SGK1: variants seen among roughly 807,000 people sequenced by gnomAD.
SGK1 encodes serine/threonine-protein kinase Sgk1.
SGK1 carries 26 observed loss-of-function variants against 64.2 expected under a neutral mutation model. That is an observed-to-expected ratio of 0.40 (90% CI 0.30 to 0.56). The LOEUF is 0.56. Ranked by LOEUF, SGK1 falls within the 20% of genes least tolerant of loss-of-function variation. The pLI, the probability that SGK1 is intolerant of heterozygous loss-of-function variation, is 0.38. For missense variants in SGK1, 519 were observed against 645.6 expected, an observed-to-expected ratio of 0.80 and a Z score of 2.12; for synonymous variants, 265 against 239.7, an observed-to-expected ratio of 1.11 and a Z score of -0.98.
rs770532033 is a variant in SGK1, at chr6:134,172,719, T to C, written c.890A>G (p.Tyr297Cys). The C allele has an allele frequency of 5.2e-5, 84 of 1,614,042 alleles. No individual in the cohort carries two copies. The highest frequency in any genetic ancestry group is 6.9e-5 in the Non-Finnish European group (82 of 1,180,024). The change falls in exon 9 of 14, where the codon TAT becomes TGT. Residue 297 changes from tyrosine to cysteine, a missense_variant. Tyr to Cys is a radical substitution (Grantham distance 194). Coordinates refer to ENST00000367858, the MANE Select transcript of SGK1 (RefSeq NM_001143676.3). The stretch of plus-strand genomic sequence containing the variant: ...CAAGGCACTGGCTATTTCAGCAGCA[T>C]AGAAACGAGCCCGTGGTTCCAGGAA... Reference protein sequence around the residue: ...RCFLEPRARFYAAEIASALGY... With the variant: ...RCFLEPRARFCAAEIASALGY...
At chr6:134,171,245 G>A (rs902460344) in intron 11 of SGK1, 67 bp from the exon 12 acceptor site, 7 of 1,424,434 alleles carry the variant, frequency 4.9e-6, no homozygotes, top group Non-Finnish European at 6.9e-6. Flanking sequence ...TACCAGTAGA[G>A]AAAAAGATAT....
intron 3 of SGK1, among the ~76,000 whole-genome samples, chr6:134,196,780 A>G (rs932438793): frequency 3.3e-5 from 5 of 152,228 alleles, no homozygotes; most frequent in Non-Finnish European, 7.3e-5. Context: ...ACCACGTATG[A>G]GTGACAGAGT....
chr6:134,181,544 C>T (rs1317203885), intron 3 of SGK1, among the ~76,000 whole-genome samples: 1 of 151,982 alleles, frequency 6.6e-6, no homozygotes, highest in African/African-American at 2.4e-5. Flanking sequence ...GGGGATTCAC[C>T]ATGTTGATCA....
chr6:134,193,575 G>A (rs1292070020), intron 3 of SGK1, among the ~76,000 whole-genome samples: 1 of 150,980 alleles, frequency 6.6e-6, no homozygotes, highest in African/African-American at 2.4e-5. Context: ...AGTTGCTGTT[G>A]TTTTTCTTCT....
At chr6:134,269,195 C>A (rs1392525874) in intron 1 of SGK1, among the ~76,000 whole-genome samples, 1 of 147,456 alleles carries the variant, frequency 6.8e-6, no homozygotes, top group Admixed American at 7.0e-5. Context: ...TCTCATTGGC[C>A]CCCGTCCTTT....
Position 134,170,301 on chromosome 6 carries a change from A to G in SGK1, c.1548T>C (p.Phe516=). The change falls in exon 14 of 14, where the codon TTT becomes TTC. Residue 516 remains phenylalanine (F), a synonymous_variant. Coordinates refer to ENST00000367858, the MANE Select transcript of SGK1 (RefSeq NM_001143676.3). ...AAGAGTCCGTGGGAGGCGCATAGGA[A>G]AAGCCTAGGAAAGCCTCGGCAGCTT... ...VKEAAEAFLG[F]SYAPPTDSFL 3 of 1,613,728 alleles carry G rather than the reference A, an allele frequency of 1.9e-6. No individual in the cohort carries two copies. Among genetic ancestry groups the G allele is most frequent in the African/African-American group, 1.3e-5 (1 of 75,022 alleles).
At chr6:134,186,940 C>T (rs565668132) in intron 3 of SGK1, among the ~76,000 whole-genome samples, 14 of 152,068 alleles carry the variant, frequency 9.2e-5, no homozygotes, top group Admixed American at 8.5e-4. Context: ...CCTCAGCCTC[C>T]CGAGTAGCTG....
intron 1 of SGK1, among the ~76,000 whole-genome samples, chr6:134,300,520 A>C (rs1394870517): frequency 7.1e-6 from 1 of 139,910 alleles, no homozygotes; most frequent in Non-Finnish European, 1.6e-5. Flanking sequence ...CCTGGGCAAC[A>C]GCGCAAGACT....
intron 1 of SGK1, among the ~76,000 whole-genome samples, chr6:134,300,988 C>T (rs1220035712): frequency 1.3e-5 from 2 of 151,982 alleles, no homozygotes; most frequent in South Asian, 2.1e-4. Flanking sequence ...ATTGCACTGA[C>T]GTTGGGAGAA....
intron 2 of SGK1, among the ~76,000 whole-genome samples, chr6:134,233,555 G>A (rs1776321286): frequency 6.6e-6 from 1 of 152,160 alleles, no homozygotes. Flanking sequence ...GCCAGACACG[G>A]TTATCTTCAG....
chr6:134,192,174 G>A (rs145983553), intron 3 of SGK1, among the ~76,000 whole-genome samples: 1,623 of 151,398 alleles, frequency 0.011, 40 homozygotes, highest in African/African-American at 0.037. Context: ...CATGTTGGCC[G>A]GGCTGGTCTC....
chr6:134,285,621 A>G (rs1156591446), intron 1 of SGK1, among the ~76,000 whole-genome samples: 1 of 151,268 alleles, frequency 6.6e-6, no homozygotes, highest in African/African-American at 2.4e-5. Flanking sequence ...TTTCCCTGAT[A>G]ATTAGTGATG....
intron 10 of SGK1, 99 bp from the exon 11 acceptor site, chr6:134,171,831 G>A (rs1040685644): frequency 2.6e-6 from 2 of 761,784 alleles, no homozygotes; most frequent in East Asian, 2.7e-5. Flanking sequence ...CCCAGAGCCA[G>A]CTTGGAAGAT....
intron 3 of SGK1, among the ~76,000 whole-genome samples, chr6:134,203,608 T>C (rs999464848): frequency 6.6e-6 from 1 of 151,850 alleles, no homozygotes; most frequent in African/African-American, 2.4e-5. Flanking sequence ...TGAAAGAAAA[T>C]GGAAAGAAAA....
intron 1 of SGK1, among the ~76,000 whole-genome samples, chr6:134,265,750 G>A (rs939939774): frequency 3.0e-4 from 44 of 148,824 alleles, no homozygotes; most frequent in African/African-American, 8.9e-4. Context: ...ACAACTCTTC[G>A]TACTTTAACT....
intron 1 of SGK1, among the ~76,000 whole-genome samples, chr6:134,280,208 A>AG (rs1344587043): frequency 7.9e-5 from 12 of 151,632 alleles, no homozygotes; most frequent in Non-Finnish European, 1.8e-4. Context: ...CAAAAAAAAA[A>AG]AAAAAAAAAA....
At chr6:134,303,481 G>A (rs1376552726) in intron 1 of SGK1, among the ~76,000 whole-genome samples, 1 of 151,904 alleles carries the variant, frequency 6.6e-6, no homozygotes, top group Non-Finnish European at 1.5e-5. Context: ...ATTTAGTTAA[G>A]AGGCCAACAC....
intron 3 of SGK1, among the ~76,000 whole-genome samples, chr6:134,198,726 A>ATTTTTTTTTTTTTTTTTTTTTTTT (rs1178699258): frequency 9.8e-6 from 1 of 101,780 alleles, no homozygotes; most frequent in Non-Finnish European, 1.9e-5. Context: ...CTCTTTTTCT[A>ATTTTTTTTTTTTTTTTTTTTTTTT]TTTTTTTTTT....
At chr6:134,259,151 C>G (rs1427827921) in intron 2 of SGK1, among the ~76,000 whole-genome samples, 1 of 152,120 alleles carries the variant, frequency 6.6e-6, no homozygotes. Context: ...GCTTTAAATT[C>G]CTTTCAGCTT....
Sources: allele counts gnomAD v4.1 joint callset (sites outside exome capture counted in the v4.1 genomes callset), GRCh38; gene constraint gnomAD v4.1.1; transcripts MANE v1.5; gene names NCBI Gene and HGNC (gene_info 2026-07-23, HGNC 2026-07-21).